The following CRACDL variants were observed in gnomAD, a reference collection of about 807,000 sequenced individuals.
The protein encoded by CRACDL is CRACD-like protein.
In CRACDL, 26 loss-of-function variants were observed where a neutral mutation model predicts 70.6. The ratio of observed to expected loss-of-function variants is 0.37; its 90% CI spans 0.27 to 0.51. The LOEUF is 0.51. Ranked by LOEUF, CRACDL falls within the 20% of genes least tolerant of loss-of-function variation. The probability of loss-of-function intolerance (pLI) is 0.94; values close to 1 mark genes in which losing one functional copy is unlikely to be tolerated. For synonymous variants in CRACDL, 618 were observed against 615.2 expected (o/e 1.00, Z -0.07); for missense variants, 1,283 against 1,376.9 (o/e 0.93, Z 1.08).
intron 7 of CRACDL, among the ~76,000 whole-genome samples, chr2:98,820,523 G>C (rs1237012836): frequency 6.6e-6 from 1 of 152,188 alleles, no homozygotes; most frequent in South Asian, 2.1e-4. Context: ...AACAGAGTGA[G>C]ACGGAGTCTC....
chr2:98,912,707 T>A (rs917310267), intron 1 of CRACDL: 2 of 152,454 alleles, frequency 1.3e-5, no homozygotes, highest in African/African-American at 2.4e-5. Flanking sequence ...CTGGGCTCCC[T>A]GCCACCCGCA....
intron 2 of CRACDL, among the ~76,000 whole-genome samples, chr2:98,845,340 G>T (rs2104532944): frequency 6.6e-6 from 1 of 152,022 alleles, no homozygotes; most frequent in Non-Finnish European, 1.5e-5. Flanking sequence ...GGGACTACAG[G>T]TGTGTGCCAC....
intron 1 of CRACDL, among the ~76,000 whole-genome samples, chr2:98,921,236 G>T (rs1708795132): frequency 6.6e-6 from 1 of 152,230 alleles, no homozygotes; most frequent in Non-Finnish European, 1.5e-5. Flanking sequence ...TGCAAAGCTT[G>T]TTAAGCCCCA....
intron 1 of CRACDL, among the ~76,000 whole-genome samples, chr2:98,924,338 G>A (rs932745686): frequency 6.6e-6 from 1 of 152,150 alleles, no homozygotes. Flanking sequence ...TGGTCTCCTG[G>A]GCTGGGGACA....
At chr2:98,933,435 T>C (rs576885579) in intron 1 of CRACDL, among the ~76,000 whole-genome samples, 1 of 152,192 alleles carries the variant, frequency 6.6e-6, no homozygotes, top group Non-Finnish European at 1.5e-5. Flanking sequence ...ATAATACCAT[T>C]GAATTAGGCT....
At chr2:98,925,270 G>A (rs114474461) in intron 1 of CRACDL, among the ~76,000 whole-genome samples, 1 of 152,158 alleles carries the variant, frequency 6.6e-6, no homozygotes, top group Admixed American at 6.5e-5. Context: ...GTGCACACTT[G>A]GGGGGAGGAA....
chr2:98,846,198 T>C (rs1706246133), intron 2 of CRACDL, among the ~76,000 whole-genome samples: 1 of 152,180 alleles, frequency 6.6e-6, no homozygotes, highest in African/African-American at 2.4e-5. Flanking sequence ...AATGACATAA[T>C]TGGAGAACTC....
intron 1 of CRACDL, among the ~76,000 whole-genome samples, chr2:98,927,523 T>C (rs912112395): frequency 6.9e-6 from 1 of 145,712 alleles, no homozygotes; most frequent in East Asian, 2.0e-4. Context: ...AAAAACTTGG[T>C]GTGAAAAAAT....
In CRACDL at chr2:98,889,171, G is replaced by GGGAAGGAAAGAAGGAAGGAA. The variant is rs1553399178; in HGVS notation, c.-10-42381_-10-42362dup. Among the ~76,000 whole-genome samples the GGGAAGGAAAGAAGGAAGGAA allele has an allele frequency of 4.2e-3, 608 of 144,946 alleles. 3 individuals carry two copies. Among genetic ancestry groups the GGGAAGGAAAGAAGGAAGGAA allele is most frequent in the Non-Finnish European group, 7.3e-3 (482 of 66,232 alleles). ...AAAAGAAAAGAAGGAAGGAAGGAAGGGGAAGGAAAGAAGGAAGGAAGGAAG... is the reference window on the plus strand; with the variant it reads ...AAAAGAAAAGAAGGAAGGAAGGAAGGGGAAGGAAAGAAGGAAGGAAGGAAGGAAAGAAGGAAGGAAGGAAG... On this transcript the variant is annotated intron_variant, in intron 1 of 9. Transcript: ENST00000397899.
intron 5 of CRACDL, among the ~76,000 whole-genome samples, chr2:98,830,750 C>T (rs765893299): frequency 1.3e-5 from 2 of 152,204 alleles, no homozygotes; most frequent in African/African-American, 4.8e-5. Context: ...CTGGCCCAGC[C>T]GAGCCAGCTG....
chr2:98,925,352 TC>T (rs1330548370), intron 1 of CRACDL, among the ~76,000 whole-genome samples: 1 of 152,192 alleles, frequency 6.6e-6, no homozygotes, highest in Non-Finnish European at 1.5e-5. Context: ...TGACACTGTT[TC>T]CAAGTTCTCG....
At chr2:98,927,897 A>G (rs1445357296) in intron 1 of CRACDL, among the ~76,000 whole-genome samples, 1 of 152,026 alleles carries the variant, frequency 6.6e-6, no homozygotes, top group East Asian at 1.9e-4. Context: ...AAGGTAGCTC[A>G]TGGCCAGGTG....
chr2:98,895,504 G>A (rs573828180), intron 1 of CRACDL, among the ~76,000 whole-genome samples: 43 of 152,294 alleles, frequency 2.8e-4, no homozygotes, highest in South Asian at 6.2e-4. Context: ...GTAGAGGCCC[G>A]GAGGCAGGGG....
intron 8 of CRACDL, among the ~76,000 whole-genome samples, chr2:98,796,933 A>G: frequency 6.6e-6 from 1 of 152,202 alleles, no homozygotes; most frequent in Non-Finnish European, 1.5e-5. Flanking sequence ...AGCAGCAAAG[A>G]GCAGGGCTCG....
chr2:98,812,893 C>T (rs1201989718), intron 7 of CRACDL, among the ~76,000 whole-genome samples: 1 of 152,068 alleles, frequency 6.6e-6, no homozygotes, highest in Non-Finnish European at 1.5e-5. Context: ...TCAAATTTTC[C>T]ACTTTGGATG....
intron 3 of CRACDL, 123 bp downstream of exon 3, chr2:98,837,996 A>G: frequency 2.6e-6 from 2 of 772,674 alleles, no homozygotes; most frequent in Non-Finnish European, 3.9e-6. Flanking sequence ...CACAACTTCT[A>G]TGGAAGAACC....
At chr2:98,854,544 G>C (rs548705883) in intron 1 of CRACDL, among the ~76,000 whole-genome samples, 104 of 151,880 alleles carry the variant, frequency 6.8e-4, no homozygotes, top group African/African-American at 2.5e-3. Flanking sequence ...GTAAGTGACT[G>C]GTAGAGAGAA....
intron 1 of CRACDL, among the ~76,000 whole-genome samples, chr2:98,848,206 A>T (rs12616866): frequency 0.037 from 5,669 of 152,274 alleles, 184 homozygotes; most frequent in South Asian, 0.16. Flanking sequence ...TCACATTCAA[A>T]GCAACAGACA....
chr2:98,914,189 T>C (rs1268474566), intron 1 of CRACDL, among the ~76,000 whole-genome samples: 3 of 152,148 alleles, frequency 2.0e-5, no homozygotes, highest in Non-Finnish European at 2.9e-5. Context: ...AGGACCCAGG[T>C]GACTGTGTTG....
Sources: allele counts gnomAD v4.1 joint callset (sites outside exome capture counted in the v4.1 genomes callset), GRCh38; gene constraint gnomAD v4.1.1; transcripts MANE v1.5; gene names NCBI Gene and HGNC (gene_info 2026-07-23, HGNC 2026-07-21).